The following CALCOCO2 variants were observed in gnomAD, a reference collection of about 807,000 sequenced individuals.
The protein encoded by CALCOCO2 is calcium-binding and coiled-coil domain-containing protein 2.
A neutral mutation model predicts 62.5 loss-of-function variants in CALCOCO2; 42 were observed. The ratio of observed to expected loss-of-function variants is 0.67; its 90% CI spans 0.53 to 0.87. The LOEUF (loss-of-function observed/expected upper bound fraction) is 0.87. CALCOCO2 is among the 40% of genes least tolerant of loss of function. CALCOCO2 has a pLI of 0.00. For synonymous variants in CALCOCO2, 167 were observed against 173.0 expected (o/e 0.97, Z 0.27); for missense variants, 456 against 515.0 (o/e 0.89, Z 1.11).
intron 6 of CALCOCO2, 40 bp from the exon 7 acceptor site, chr17:48,851,519 A>T: frequency 3.4e-6 from 4 of 1,160,124 alleles, no homozygotes; most frequent in Non-Finnish European, 5.2e-6. Context: ...GCTGACCTGG[A>T]ATCAGTGAAT....
intron 12 of CALCOCO2, among the ~76,000 whole-genome samples, chr17:48,862,533 G>A (rs138442729): frequency 1.5e-4 from 23 of 152,284 alleles, no homozygotes; most frequent in African/African-American, 5.5e-4. Flanking sequence ...GAATTATTTG[G>A]TAGCATAAGT....
intron 10 of CALCOCO2, among the ~76,000 whole-genome samples, chr17:48,858,820 C>T (rs1024660993): frequency 4.6e-5 from 7 of 151,450 alleles, no homozygotes; most frequent in South Asian, 2.1e-4. Context: ...TTTGGGAGGC[C>T]GAGGCGGGTG....
chr17:48,847,718 C>CA (rs2040071361), intron 2 of CALCOCO2: 3 of 168,114 alleles, frequency 1.8e-5, no homozygotes, highest in African/African-American at 7.2e-5. Flanking sequence ...TGCAGTGGTG[C>CA]AATCTCGGCT....
intron 10 of CALCOCO2, among the ~76,000 whole-genome samples, chr17:48,859,958 G>A (rs1028152357): frequency 6.6e-6 from 1 of 152,160 alleles, no homozygotes; most frequent in Non-Finnish European, 1.5e-5. Context: ...GCTAGGCGTG[G>A]TAGTGGGTGC....
At chr17:48,852,433 A>G in intron 7 of CALCOCO2, 73 bp from the exon 8 acceptor site, 4 of 1,343,072 alleles carry the variant, frequency 3.0e-6, no homozygotes, top group Non-Finnish European at 4.2e-6. Context: ...TTGTTATTGT[A>G]CGTTAAAAAG....
intron 11 of CALCOCO2, among the ~76,000 whole-genome samples, chr17:48,861,429 C>T (rs374789360): frequency 1.3e-5 from 2 of 151,740 alleles, no homozygotes; most frequent in East Asian, 1.9e-4. Context: ...TTGCCCAGGC[C>T]GGTTTCGAAC....
chr17:48,854,587 G>C (rs922656483), intron 9 of CALCOCO2, among the ~76,000 whole-genome samples: 13 of 149,230 alleles, frequency 8.7e-5, no homozygotes, highest in African/African-American at 3.0e-4. Flanking sequence ...TGTATTTTTA[G>C]TAGAGACGGG....
At chr17:48,833,028 G>C in intron 1 of CALCOCO2, among the ~76,000 whole-genome samples, 1 of 152,062 alleles carries the variant, frequency 6.6e-6, no homozygotes, top group East Asian at 1.9e-4. Flanking sequence ...TTTAGGTAAG[G>C]GTCTAGAATT....
chr17:48,851,766 G>T, intron 7 of CALCOCO2, 138 bp downstream of exon 7: 1 of 631,902 alleles, frequency 1.6e-6, no homozygotes, highest in Non-Finnish European at 2.9e-6. Context: ...AAAGTTTCAG[G>T]TTATGTATTT....
intron 11 of CALCOCO2, among the ~76,000 whole-genome samples, chr17:48,862,049 A>G (rs1424719541): frequency 1.8e-4 from 1 of 5,428 alleles, no homozygotes; most frequent in Admixed American, 0.01. Context: ...ACTCTGTCTC[A>G]AAAAAAAAAA....
chr17:48,841,486 A>C, intron 1 of CALCOCO2: 1 of 439,382 alleles, frequency 2.3e-6, no homozygotes. Context: ...AAGAAGTTAA[A>C]GATATTGTCA....
chr17:48,841,734 C>CACA lies in CALCOCO2; in HGVS notation c.28_30dup (p.Thr10dup), dbSNP rs766155654. On this transcript the variant is annotated inframe_insertion, in exon 2 of 13. Coordinates refer to ENST00000258947, the MANE Select transcript of CALCOCO2 (RefSeq NM_005831.5). ...TGGAGGAGACCATCAAAGATCCCCC[C>CACA]ACATCAGCTGTCTTGCTGGATCACT... 2.9e-5 allele frequency: 47 copies of CACA among 1,612,854 alleles called. No individual in the cohort carries two copies. Among genetic ancestry groups the CACA allele is most frequent in the South Asian group, 1.6e-4 (15 of 90,970 alleles).
intron 9 of CALCOCO2, among the ~76,000 whole-genome samples, chr17:48,855,641 C>G (rs980670858): frequency 6.6e-6 from 1 of 152,044 alleles, no homozygotes; most frequent in African/African-American, 2.4e-5. Flanking sequence ...TAACTTGAGC[C>G]GAGATGCCTA....
intron 9 of CALCOCO2, 188 bp from the exon 10 acceptor site, chr17:48,855,904 A>AG (rs1282583266): frequency 3.1e-6 from 1 of 322,936 alleles, no homozygotes; most frequent in Non-Finnish European, 5.6e-6. Flanking sequence ...ATGCCAGCTC[A>AG]GGCCTTCAGG....
chr17:48,835,431 T>C (rs927167042), intron 1 of CALCOCO2, among the ~76,000 whole-genome samples: 1 of 152,202 alleles, frequency 6.6e-6, no homozygotes, highest in African/African-American at 2.4e-5. Flanking sequence ...TCAAGAATGA[T>C]TGAGTTCTCA....
At chr17:48,834,874 C>G (rs1337696972) in intron 1 of CALCOCO2, among the ~76,000 whole-genome samples, 1 of 151,330 alleles carries the variant, frequency 6.6e-6, no homozygotes, top group Non-Finnish European at 1.5e-5. Flanking sequence ...ATAGGGAGAC[C>G]CTATCCCTAC....
At chr17:48,847,530 A>T (rs1249371899) in intron 2 of CALCOCO2, among the ~76,000 whole-genome samples, 1 of 152,150 alleles carries the variant, frequency 6.6e-6, no homozygotes, top group African/African-American at 2.4e-5. Flanking sequence ...TGTGCACCCC[A>T]ATTTTTGGTT....
In CALCOCO2 at chr17:48,849,254, A is replaced by G. The variant is rs750833473; in HGVS notation, c.420A>G (p.Gly140=). ...GTTTATGGAATGTTCTTTTGTAGGG[A>G]GAGGTGGAAGAGATTGAGCAGCACA... ...EEDILVVTTQ[G]EVEEIEQHNK... The change falls in exon 5 of 13, where the codon GGA becomes GGG. Residue 140 remains glycine, a splice_region_variant and synonymous_variant. Coordinates refer to ENST00000258947, the MANE Select transcript of CALCOCO2 (RefSeq NM_005831.5). 1.9e-6 allele frequency: 3 copies of G among 1,613,602 alleles called. No individual in the cohort carries two copies. In the African/African-American group the frequency reaches 4.0e-5, roughly 22 times the overall value.
chr17:48,856,778 C>CTT (rs549613504), intron 10 of CALCOCO2, among the ~76,000 whole-genome samples: 2 of 139,000 alleles, frequency 1.4e-5, no homozygotes, highest in Non-Finnish European at 1.6e-5. Context: ...TCTTTCTTTT[C>CTT]TTTTTTTTTT....
Sources: allele counts gnomAD v4.1 joint callset (sites outside exome capture counted in the v4.1 genomes callset), GRCh38; gene constraint gnomAD v4.1.1; transcripts MANE v1.5; gene names NCBI Gene and HGNC (gene_info 2026-07-23, HGNC 2026-07-21).